The following MCPH1 variants were observed in gnomAD, a reference collection of about 807,000 sequenced individuals.
The protein encoded by MCPH1 is microcephalin 1.
MCPH1 carries 104 observed loss-of-function variants against 84.5 expected under a neutral mutation model. The observed-to-expected ratio is 1.23, with a 90% CI of 1.05 to 1.45. The LOEUF is 1.45. Ranked by LOEUF, MCPH1 falls within the 40% of genes most tolerant of loss-of-function variation. The pLI is 0.00. For missense variants in MCPH1, 1,498 were observed against 1,005.7 expected (o/e 1.49, Z -6.62); for synonymous variants, 514 against 366.8 (o/e 1.40, Z -4.58).
intron 12 of MCPH1, among the ~76,000 whole-genome samples, chr8:6,584,118 T>C (rs1827793290): frequency 6.6e-6 from 1 of 152,194 alleles, no homozygotes; most frequent in Non-Finnish European, 1.5e-5. Context: ...AGAAACTTGC[T>C]AATCTGTAAT....
intron 12 of MCPH1, among the ~76,000 whole-genome samples, chr8:6,547,162 AC>A (rs1324653174): frequency 2.0e-5 from 3 of 152,086 alleles, no homozygotes; most frequent in Admixed American, 2.0e-4. Context: ...TTGCCTCCTC[AC>A]CATCCTCACT....
chr8:6,627,066 T>C, intron 13 of MCPH1: 1 of 985,294 alleles, frequency 1.0e-6, no homozygotes. Flanking sequence ...CCCATGTCGA[T>C]GTTTTCAGGA....
intron 9 of MCPH1, among the ~76,000 whole-genome samples, chr8:6,476,359 A>G (rs1371940564): frequency 1.3e-5 from 2 of 148,352 alleles, no homozygotes; most frequent in East Asian, 4.1e-4. Context: ...AACCCGGGAG[A>G]TGGAGGTTGC....
At chr8:6,567,732 CT>C (rs2129576289) in intron 12 of MCPH1, among the ~76,000 whole-genome samples, 1 of 152,264 alleles carries the variant, frequency 6.6e-6, no homozygotes, top group African/African-American at 2.4e-5. Context: ...GCCTGGGGGT[CT>C]GAGGCCACCC....
rs368130298 is a variant in MCPH1, at chr8:6,512,386, C to T, written c.2214+12457C>T. Among the ~76,000 whole-genome samples, 12 of 152,266 alleles carry T rather than the reference C, an allele frequency of 7.9e-5. No individual in the cohort carries two copies. The South Asian group carries it at 2.5e-3, about 32-fold the overall frequency. On this transcript the variant is annotated intron_variant, in intron 12 of 13. Transcript: ENST00000344683. ...TCAGGTCGTGGAGCGGAGTGTCTGA[C>T]TTGGGCATTAATGAGATGAAGACGA... is the stretch of plus-strand genomic sequence containing the variant.
chr8:6,609,082 GT>G (rs1424506822), intron 12 of MCPH1, among the ~76,000 whole-genome samples: 1 of 152,114 alleles, frequency 6.6e-6, no homozygotes, highest in Non-Finnish European at 1.5e-5. Context: ...CTGCTTTCGT[GT>G]TATTATAAGG....
chr8:6,411,959 G>C (rs1029321955), intron 2 of MCPH1, among the ~76,000 whole-genome samples: 1 of 152,154 alleles, frequency 6.6e-6, no homozygotes, highest in African/African-American at 2.4e-5. Flanking sequence ...CTGACTGATA[G>C]GCTGAGTGAA....
intron 12 of MCPH1, among the ~76,000 whole-genome samples, chr8:6,540,831 G>A (rs578227895): frequency 6.6e-6 from 1 of 152,260 alleles, no homozygotes; most frequent in African/African-American, 2.4e-5. Context: ...CAGGGGCGCC[G>A]CAGGGTGGTT....
intron 11 of MCPH1, among the ~76,000 whole-genome samples, chr8:6,484,141 G>C (rs753374555): frequency 5.3e-5 from 8 of 152,050 alleles, no homozygotes; most frequent in Non-Finnish European, 1.2e-4. Flanking sequence ...AGAAGAAAAC[G>C]TTTGCAAATC....
At chr8:6,618,220 C>T (rs920640772) in intron 12 of MCPH1, among the ~76,000 whole-genome samples, 9 of 151,796 alleles carry the variant, frequency 5.9e-5, no homozygotes, top group Admixed American at 2.0e-4. Context: ...GGCTCCTTGG[C>T]GAGAGCCAGT....
chr8:6,407,725 G>C (rs1797945368), intron 1 of MCPH1, among the ~76,000 whole-genome samples: 2 of 152,106 alleles, frequency 1.3e-5, no homozygotes, highest in Admixed American at 1.3e-4. Context: ...TTGACCAACG[G>C]CACACCTGGA....
At chr8:6,514,600 G>A (rs1815867350) in intron 12 of MCPH1, 2 of 1,294,322 alleles carry the variant, frequency 1.5e-6, no homozygotes, top group Non-Finnish European at 1.1e-6. Flanking sequence ...TGGGATTGGT[G>A]GTTAAGGTTC....
At chr8:6,477,824 C>G (rs1003557587) in intron 10 of MCPH1, among the ~76,000 whole-genome samples, 193 bp downstream of exon 10, 1 of 152,218 alleles carries the variant, frequency 6.6e-6, no homozygotes, top group Non-Finnish European at 1.5e-5. Context: ...CTTGAAAACT[C>G]TGGGGTTGTT....
At chr8:6,505,320 G>GTT (rs556583432) in intron 12 of MCPH1, among the ~76,000 whole-genome samples, 1 of 48,558 alleles carries the variant, frequency 2.1e-5, no homozygotes, top group Non-Finnish European at 3.6e-5. Context: ...ACATATATAT[G>GTT]TTATATACAT....
intron 1 of MCPH1, among the ~76,000 whole-genome samples, chr8:6,408,232 T>G (rs573960743): frequency 1.3e-5 from 2 of 152,320 alleles, no homozygotes; most frequent in South Asian, 4.1e-4. Flanking sequence ...AGGCTTTCAG[T>G]AGAAATTTAT....
chr8:6,511,253 C>G (rs1815027010), intron 12 of MCPH1, among the ~76,000 whole-genome samples: 2 of 151,516 alleles, frequency 1.3e-5, no homozygotes, highest in South Asian at 4.2e-4. Context: ...TAAGAATGGC[C>G]ACGTTCTTGA....
In MCPH1 at chr8:6,444,467, A is replaced by G; in HGVS notation, c.745A>G (p.Arg249Gly). ...CGNSGCGNQE[R>G]KLEGSINDIK... ...AAACTCAGGATGTGGAAATCAGGAA[A>G]GGAAGTTGGAAGGATCCATTAATGA... The change falls in exon 8 of 14, where the codon AGG becomes GGG. Residue 249 changes from arginine to glycine, a missense_variant. Arg to Gly is a moderately radical substitution (Grantham distance 125). Transcript: ENST00000344683. 3 of 1,614,218 alleles carry G rather than the reference A, an allele frequency of 1.9e-6. No individual in the cohort carries two copies. The highest frequency in any genetic ancestry group is 1.7e-6 in the Non-Finnish European group (2 of 1,180,038).
chr8:6,553,430 G>C (rs965701603), intron 12 of MCPH1, among the ~76,000 whole-genome samples: 2 of 152,144 alleles, frequency 1.3e-5, no homozygotes. Flanking sequence ...AGCACACCGG[G>C]AGAATAACTT....
intron 12 of MCPH1, among the ~76,000 whole-genome samples, chr8:6,529,655 G>A (rs1191350695): frequency 3.4e-5 from 5 of 147,518 alleles, no homozygotes; most frequent in Middle Eastern, 3.5e-3. Context: ...GGTAGAGATG[G>A]GGTTTCACCA....
Sources: allele counts gnomAD v4.1 joint callset (sites outside exome capture counted in the v4.1 genomes callset), GRCh38; gene constraint gnomAD v4.1.1; transcripts MANE v1.5; gene names NCBI Gene and HGNC (gene_info 2026-07-23, HGNC 2026-07-21).